Variants in RGPD1 observed in about 807,000 individuals in gnomAD.
The protein encoded by RGPD1 is RANBP2-like and GRIP domain-containing protein 1.
Under a neutral mutation model 40.6 loss-of-function variants are expected in RGPD1, and 7 were observed. The ratio of observed to expected loss-of-function variants is 0.17; its 90% CI spans 0.10 to 0.32. The LOEUF is 0.32. Ranked by LOEUF, RGPD1 falls within the 10% of genes least tolerant of loss-of-function variation. RGPD1 has a pLI of 1.00. For missense variants in RGPD1, 50 were observed against 472.5 expected, an observed-to-expected ratio of 0.11 and a Z score of 8.29; for synonymous variants, 24 against 167.0, an observed-to-expected ratio of 0.14 and a Z score of 6.60.
At chr2:86,944,177 G>A (rs1044137671) in intron 1 of RGPD1, among the ~76,000 whole-genome samples, 1 of 152,136 alleles carries the variant, frequency 6.6e-6, no homozygotes, top group Non-Finnish European at 1.5e-5. Context: ...CTTGTTCAGG[G>A]TGAAATAGGT....
chr2:86,915,106 GC>G, intron 1 of RGPD1, among the ~76,000 whole-genome samples: 1 of 149,926 alleles, frequency 6.7e-6, no homozygotes, highest in Non-Finnish European at 1.5e-5. Flanking sequence ...GACCAGCCTG[GC>G]CAACGTGGTG....
intron 22 of RGPD1, among the ~76,000 whole-genome samples, chr2:87,009,086 G>T (rs943408213): frequency 2.1e-5 from 3 of 143,134 alleles, no homozygotes; most frequent in South Asian, 2.2e-4. Context: ...CGGGCAGATC[G>T]CAAGGTCAGG....
intron 22 of RGPD1, among the ~76,000 whole-genome samples, chr2:87,009,296 C>A (rs1682170785): frequency 1.2e-4 from 1 of 8,014 alleles, no homozygotes; most frequent in Non-Finnish European, 3.2e-4. Flanking sequence ...CAGAGCAAGA[C>A]TCTGTCTCAA....
Position 86,942,243 on chromosome 2 carries a change from C to G in RGPD1, c.7C>G (p.Arg3Gly). The G allele has an allele frequency of 6.2e-7, 1 of 1,605,504 alleles. No homozygotes were observed. The highest frequency in any genetic ancestry group is 8.5e-7 in the Non-Finnish European group (1 of 1,177,116). The change falls in exon 1 of 23, where the codon CGC becomes GGC. Residue 3 changes from arginine to glycine, a missense_variant. Arg to Gly is a moderately radical substitution (Grantham distance 125). Coordinates refer to ENST00000641458, the MANE Select transcript of RGPD1 (RefSeq NM_001382344.1). MR[R>G]SKAYGERYVA... ...GAGCCAGGTTGGCGGTGCGATGAGG[C>G]GCAGCAAGGCCTACGGGGAGCGGTA... is the stretch of plus-strand genomic sequence containing the variant.
At position 86,945,027 on chromosome 2, in the gene RGPD1, TTTTTA is replaced by T. The variant is rs1326216829; in HGVS notation, c.72+2720_72+2724del. Among the ~76,000 whole-genome samples the T allele has an allele frequency of 5.9e-5, 9 of 151,996 alleles. No individual in the cohort carries two copies. In the South Asian group the frequency reaches 1.7e-3, roughly 28 times the overall value. ...CACTCTGCTCAGCCTGATTTTTTTTTTTTTAAACAAGCTTAAAAAAAAAAAAAGCA... is the reference window on the plus strand; with the variant it reads ...CACTCTGCTCAGCCTGATTTTTTTTTAACAAGCTTAAAAAAAAAAAAAGCA... On this transcript the variant is annotated intron_variant, in intron 1 of 22. Coordinates refer to ENST00000641458, the MANE Select transcript of RGPD1 (RefSeq NM_001382344.1).
intron 1 of RGPD1, among the ~76,000 whole-genome samples, chr2:86,931,987 T>TTA (rs1164463775): frequency 3.0e-4 from 44 of 147,868 alleles, no homozygotes; most frequent in Middle Eastern, 3.6e-3. Context: ...AATATTCATA[T>TTA]TATATATATA....
At chr2:86,914,257 CCTCGGCCTCGGCCTTGGCCTCGGCCG>C (rs1677627005) in intron 1 of RGPD1, among the ~76,000 whole-genome samples, 1 of 84,532 alleles carries the variant, frequency 1.2e-5, no homozygotes, top group Non-Finnish European at 2.3e-5. Context: ...GCGGCGGCGG[CCTCGGCCTCGGCCTTGGCCTCGGCCG>C]GGCGGCGGCG....
rs1679856392 is a variant in RGPD1 at position 86,942,320 on chromosome 2, T to C, written c.72+12T>C. 1 of 1,540,244 alleles carries C rather than the reference T, an allele frequency of 6.5e-7. No homozygotes were observed. Among genetic ancestry groups the C allele is most frequent in the Non-Finnish European group, 8.7e-7 (1 of 1,143,768 alleles). ...CGTCGCCTGGAAAGGTGAGTGGATC[T>C]CGAAGAGACCGACGGCCTCGACCTG... On this transcript the variant is annotated intron_variant, in intron 1 of 22. Transcript: ENST00000641458.
upstream of RGPD1, among the ~76,000 whole-genome samples, chr2:86,937,415 A>T (rs1257584574): frequency 5.4e-5 from 8 of 149,060 alleles, no homozygotes; most frequent in African/African-American, 1.0e-4. Flanking sequence ...TTCCCTCCAC[A>T]TTCATCAGGG....
At chr2:87,009,092 T>G (rs1682157813) in intron 22 of RGPD1, among the ~76,000 whole-genome samples, 1 of 140,840 alleles carries the variant, frequency 7.1e-6, no homozygotes, top group East Asian at 2.1e-4. Flanking sequence ...GATCGCAAGG[T>G]CAGGAGATCG....
intron 1 of RGPD1, among the ~76,000 whole-genome samples, chr2:86,942,891 C>T (rs1236227032): frequency 3.3e-5 from 5 of 152,148 alleles, no homozygotes; most frequent in African/African-American, 9.6e-5. Context: ...CTTCCTCTTT[C>T]TCCCGGTTTG....
intron 1 of RGPD1, among the ~76,000 whole-genome samples, chr2:86,924,220 A>G (rs1454310974): frequency 4.0e-5 from 6 of 151,778 alleles, no homozygotes; most frequent in Non-Finnish European, 8.8e-5. Flanking sequence ...CAGTGGCACG[A>G]TCTCGGCTCA....
At chr2:86,913,753 A>C (rs1373417978), upstream of RGPD1, 5 of 1,380,998 alleles carry the variant, frequency 3.6e-6, no homozygotes, top group Non-Finnish European at 3.9e-6. Flanking sequence ...TCCGCCGGCT[A>C]CGTCAGTGGC....
intron 1 of RGPD1, among the ~76,000 whole-genome samples, chr2:86,918,453 CTTTTTTTTTTTTT>C (rs1160123598): frequency 1.3e-5 from 1 of 78,110 alleles, no homozygotes; most frequent in Non-Finnish European, 2.3e-5. Flanking sequence ...CACACCAAAT[CTTTTTTTTTTTTT>C]TTTTTTTTTT....
In RGPD1 at chr2:86,913,984, GGGC is replaced by G. The variant is rs1159039779; in HGVS notation, c.72+76_72+78del. Reference sequence around the variant, plus strand: ...GCGGGGCGGTGGCCTCGACCTGGCCGGGCGGCGGCGGCGGCCTCGGCCTCGGCC... The same window carrying G: ...GCGGGGCGGTGGCCTCGACCTGGCCGGGCGGCGGCGGCCTCGGCCTCGGCC... On this transcript the variant is annotated intron_variant, in intron 1 of 22. Transcript: ENST00000398193. 133 of 991,718 alleles carry G rather than the reference GGGC, an allele frequency of 1.3e-4. 5 individuals are homozygous for G. Among genetic ancestry groups the G allele is most frequent in the South Asian group, 3.0e-4 (15 of 50,568 alleles). 61.4% of individuals were successfully genotyped at this position (991,718 alleles called of 1,614,324 possible).
chr2:86,930,497 T>C lies in RGPD1; in HGVS notation c.72+16576T>C, dbSNP rs1234197298. 4.3e-5 allele frequency: 65 copies of C among 1,499,524 alleles called. 4 individuals are homozygous for C. Among genetic ancestry groups the C allele is most frequent in the Non-Finnish European group, 5.9e-5 (64 of 1,087,126 alleles). 92.9% of individuals were successfully genotyped at this position (1,499,524 alleles called of 1,614,324 possible). ...AGTTGATTTCACGCTGCCGCTGCTGTTGTTGCAGCCTGAGTTTAGCTCGTC... is the reference window on the plus strand; with the variant it reads ...AGTTGATTTCACGCTGCCGCTGCTGCTGTTGCAGCCTGAGTTTAGCTCGTC... On this transcript the variant is annotated intron_variant, in intron 1 of 22. Transcript: ENST00000398193.
In RGPD1 at chr2:86,931,595, A is replaced by ATTTGT. The variant is rs550248943; in HGVS notation, c.72+17683_72+17687dup. On this transcript the variant is annotated intron_variant, in intron 1 of 22. Transcript: ENST00000398193. The stretch of plus-strand genomic sequence containing the variant: ...CTTTCTCTATTATAAATGATTTTAT[A>ATTTGT]TTTGTTTTGTTTTTCTTTATTTGTA... Among the ~76,000 whole-genome samples, 16 of 152,120 alleles carry ATTTGT rather than the reference A, an allele frequency of 1.1e-4. 1 individual carries two copies. The highest frequency in any genetic ancestry group is 3.9e-4 in the African/African-American group (16 of 41,430).
intron 21 of RGPD1, among the ~76,000 whole-genome samples, chr2:86,997,086 C>T (rs1025786053): frequency 2.0e-5 from 3 of 150,040 alleles, no homozygotes; most frequent in Non-Finnish European, 4.4e-5. Context: ...TGCATCCTCT[C>T]CTCTTGTCAG....
upstream of RGPD1, among the ~76,000 whole-genome samples, chr2:86,941,221 ATT>A (rs1414588880): frequency 6.6e-6 from 1 of 151,368 alleles, no homozygotes; most frequent in East Asian, 1.9e-4. Context: ...GTTTTGTTAA[ATT>A]TTGTTTTAAA....
Sources: allele counts gnomAD v4.1 joint callset (sites outside exome capture counted in the v4.1 genomes callset), GRCh38; gene constraint gnomAD v4.1.1; transcripts MANE v1.5; gene names NCBI Gene and HGNC (gene_info 2026-07-23, HGNC 2026-07-21).